The following RBFOX1 variants were observed in gnomAD, a reference collection of about 807,000 sequenced individuals.
The protein encoded by RBFOX1 is RNA binding fox-1 homolog 1.
RBFOX1 carries 8 observed loss-of-function variants against 57.7 expected under a neutral mutation model. The ratio of observed to expected loss-of-function variants is 0.14; its 90% CI spans 0.08 to 0.25. The LOEUF is 0.25. Among genes scored for constraint, RBFOX1 ranks in the 10% least tolerant of loss-of-function variants. RBFOX1 has a pLI of 1.00. For synonymous variants in RBFOX1, 326 were observed against 222.4 expected (o/e 1.47, Z -4.15); for missense variants, 611 against 548.5 (o/e 1.11, Z -1.14).
intron 4 of RBFOX1, among the ~76,000 whole-genome samples, chr16:7,505,310 T>TG (rs1005183259): frequency 2.6e-5 from 4 of 151,126 alleles, no homozygotes; most frequent in African/African-American, 9.8e-5. Flanking sequence ...CAGTTGGAGA[T>TG]GGACACCAAA....
At chr16:5,785,519 C>G (rs151178535) in intron 3 of RBFOX1, among the ~76,000 whole-genome samples, 1 of 151,540 alleles carries the variant, frequency 6.6e-6, no homozygotes, top group Admixed American at 6.6e-5. Context: ...TTTTTTCTTT[C>G]TTTCTTTCTT....
chr16:7,650,502 C>T (rs1473005391), intron 11 of RBFOX1, among the ~76,000 whole-genome samples: 3 of 152,158 alleles, frequency 2.0e-5, no homozygotes, highest in African/African-American at 7.2e-5. Flanking sequence ...AATCCATTTT[C>T]TCCCTGTAAT....
At chr16:7,167,193 C>G (rs1225628117) in intron 4 of RBFOX1, among the ~76,000 whole-genome samples, 1 of 151,294 alleles carries the variant, frequency 6.6e-6, no homozygotes, top group Admixed American at 6.6e-5. Flanking sequence ...TCCGTGTTGG[C>G]CAGGCTGGTC....
intron 4 of RBFOX1, among the ~76,000 whole-genome samples, chr16:7,114,491 C>G (rs933149038): frequency 2.0e-5 from 3 of 152,170 alleles, no homozygotes; most frequent in Admixed American, 1.3e-4. Flanking sequence ...AAGAAGCACT[C>G]AAGCACTGTG....
intron 4 of RBFOX1, among the ~76,000 whole-genome samples, chr16:7,170,972 C>A (rs1246459153): frequency 1.3e-5 from 2 of 152,162 alleles, no homozygotes; most frequent in Non-Finnish European, 2.9e-5. Context: ...TGCAGGTGAT[C>A]CTAAAACACA....
At chr16:5,981,330 C>G (rs2060168470) in intron 4 of RBFOX1, among the ~76,000 whole-genome samples, 1 of 152,144 alleles carries the variant, frequency 6.6e-6, no homozygotes, top group Non-Finnish European at 1.5e-5. Flanking sequence ...CCTGGGGACA[C>G]AGGTTCTGTG....
At chr16:6,898,403 T>C (rs1454132080) in intron 3 of RBFOX1, among the ~76,000 whole-genome samples, 1 of 152,164 alleles carries the variant, frequency 6.6e-6, no homozygotes, top group Admixed American at 6.5e-5. Context: ...CCCCAGCCCC[T>C]GACATTTCAG....
chr16:6,520,133 A>G (rs1341859632), intron 2 of RBFOX1, among the ~76,000 whole-genome samples: 1 of 152,184 alleles, frequency 6.6e-6, no homozygotes, highest in Non-Finnish European at 1.5e-5. Flanking sequence ...GAGCTTCTTC[A>G]TGGCCATCCT....
At chr16:7,549,650 A>T (rs1287785844) in intron 5 of RBFOX1, among the ~76,000 whole-genome samples, 1 of 152,184 alleles carries the variant, frequency 6.6e-6, no homozygotes, top group Non-Finnish European at 1.5e-5. Context: ...CTGTTGTTCA[A>T]GGGCAGGAAG....
intron 3 of RBFOX1, among the ~76,000 whole-genome samples, chr16:6,860,226 G>A (rs569636318): frequency 3.9e-4 from 60 of 152,218 alleles, no homozygotes; most frequent in Non-Finnish European, 8.4e-4. Flanking sequence ...TTGAATGCCC[G>A]TTATGTTCCA....
At chr16:6,104,417 A>C (rs189686167) in intron 1 of RBFOX1, among the ~76,000 whole-genome samples, 1 of 152,326 alleles carries the variant, frequency 6.6e-6, no homozygotes, top group Non-Finnish European at 1.5e-5. Context: ...GTAGGTTTTT[A>C]AAATGGTTTT....
chr16:5,882,223 A>G (rs1158466907), intron 4 of RBFOX1, among the ~76,000 whole-genome samples: 2 of 152,150 alleles, frequency 1.3e-5, no homozygotes, highest in Non-Finnish European at 2.9e-5. Flanking sequence ...CGTTCCTCGT[A>G]GCTATGTCAG....
intron 1 of RBFOX1, among the ~76,000 whole-genome samples, chr16:6,271,280 C>T (rs564621681): frequency 4.4e-4 from 67 of 152,082 alleles, no homozygotes; most frequent in African/African-American, 1.5e-3. Context: ...AAAAATTAGC[C>T]GAGCATAGTG....
rs553378493 is a variant in RBFOX1, at chr16:5,828,213, A to T, written c.319-39090A>T. Among the ~76,000 whole-genome samples, 15 of 152,134 alleles carry T rather than the reference A, an allele frequency of 9.9e-5. No homozygotes were observed. The South Asian group carries it at 3.1e-3, about 32-fold the overall frequency. ...TATCTGTCCGCTCATCCATCCACCC[A>T]TTCATCTGTCCATTCAACCACCCAC... On this transcript the variant is annotated intron_variant, in intron 3 of 19. Transcript: ENST00000641259.
intron 3 of RBFOX1, among the ~76,000 whole-genome samples, chr16:6,939,943 T>G (rs1034045646): frequency 1.3e-5 from 2 of 152,224 alleles, no homozygotes; most frequent in African/African-American, 4.8e-5. Flanking sequence ...TTAAATGATA[T>G]AGCAGGAATG....
At chr16:7,459,362 C>T (rs912958504) in intron 4 of RBFOX1, among the ~76,000 whole-genome samples, 2 of 152,132 alleles carry the variant, frequency 1.3e-5, no homozygotes, top group Admixed American at 6.5e-5. Flanking sequence ...CTTGCACTTG[C>T]CATTTTGTAC....
intron 3 of RBFOX1, among the ~76,000 whole-genome samples, chr16:7,002,608 A>T (rs2092924460): frequency 1.3e-5 from 2 of 152,168 alleles, no homozygotes; most frequent in African/African-American, 4.8e-5. Context: ...GCCACTCGGG[A>T]GGCTGAGGCA....
At chr16:5,711,421 C>T (rs1271735866) in intron 3 of RBFOX1, among the ~76,000 whole-genome samples, 3 of 152,326 alleles carry the variant, frequency 2.0e-5, no homozygotes, top group Admixed American at 2.0e-4. Context: ...AGGATACCAC[C>T]TTTCAGCTGA....
chr16:7,136,781 G>C (rs1279075111), intron 4 of RBFOX1, among the ~76,000 whole-genome samples: 2 of 152,208 alleles, frequency 1.3e-5, no homozygotes, highest in African/African-American at 4.8e-5. Flanking sequence ...ATAGTGGTTA[G>C]TATTAACCAG....
Sources: gnomAD v4.1 joint callset for allele counts (sites outside exome capture counted in the v4.1 genomes callset) on GRCh38, gnomAD v4.1.1 for gene constraint, MANE v1.5 for transcripts, NCBI Gene and HGNC (gene_info 2026-07-23, HGNC 2026-07-21) for gene names.